The following EOLA2 variants were observed in gnomAD, a reference collection of about 807,000 sequenced individuals.
EOLA2 encodes the protein endothelium and lymphocyte associated ASCH domain 2.
In EOLA2, 3 loss-of-function variants were observed where a neutral mutation model predicts 4.1. The ratio of observed to expected loss-of-function variants is 0.73; its 90% CI spans 0.33 to 1.89. The LOEUF is 1.89. EOLA2 is among the 40% of genes most tolerant of loss of function. The pLI, the probability that EOLA2 is intolerant of heterozygous loss-of-function variation, is 0.08. For synonymous variants in EOLA2, 52 were observed against 51.7 expected, an observed-to-expected ratio of 1.01 and a Z score of -0.03; for missense variants, 109 against 126.4, an observed-to-expected ratio of 0.86 and a Z score of 0.66.
intron 2 of EOLA2, chrX:149,934,339 T>C (rs1261916122): frequency 1.3e-5 from 7 of 535,320 alleles, no homozygotes; most frequent in Non-Finnish European, 1.6e-5. Flanking sequence ...CTGCCAATAC[T>C]CTCAGTGCCC....
At position 149,932,334 on chromosome X, in the gene EOLA2, G is replaced by A. The variant is rs1163041130; in HGVS notation, c.*210C>T. 3.8e-5 allele frequency: 34 copies of A among 905,981 alleles called. No homozygotes were observed. The highest frequency in any genetic ancestry group is 4.8e-5 in the Non-Finnish European group (33 of 686,910). The allele number at this position is 905,981 out of a possible 1,213,427, so 74.7% of individuals were successfully genotyped here. The stretch of plus-strand genomic sequence containing the variant: ...GAGACATTGCCTGTGTGCCTAAGGA[G>A]GCATCACACAAGGAAAGCCCCACCC... On this transcript the variant is annotated 3_prime_UTR_variant, in exon 5 of 5. Coordinates refer to ENST00000370406, the MANE Select transcript of EOLA2 (RefSeq NM_001013845.2).
At chrX:149,931,600 T>A (rs1166733914), downstream of EOLA2, among the ~76,000 whole-genome samples, 1 of 93,268 alleles carries the variant, frequency 1.1e-5, no homozygotes, top group Admixed American at 1.2e-4. Flanking sequence ...TGCCAGGAAG[T>A]GTCTGGTCAG....
chrX:149,932,541 T>C lies in EOLA2; in HGVS notation c.*3A>G, dbSNP rs782710863. The stretch of plus-strand genomic sequence containing the variant: ...GAACATTCCTTTCAGGAGCCCACAC[T>C]TGTCACACTTCATGCCCCAAAGGGA... On this transcript the variant is annotated 3_prime_UTR_variant, in exon 5 of 5. Coordinates refer to ENST00000370406, the MANE Select transcript of EOLA2 (RefSeq NM_001013845.2). 13 of 1,201,087 alleles carry C rather than the reference T, an allele frequency of 1.1e-5. No homozygotes were observed. Among genetic ancestry groups the C allele is most frequent in the Non-Finnish European group, 1.5e-5 (13 of 890,835 alleles).
chrX:149,931,297 G>A (rs2090870008), downstream of EOLA2: 1 of 388,852 alleles, frequency 2.6e-6, no homozygotes. Context: ...ACTGTTGTCT[G>A]TGTTTTTTTT....
At chrX:149,937,980 T>C (rs782206080) in intron 1 of EOLA2, among the ~76,000 whole-genome samples, 1 of 112,379 alleles carries the variant, frequency 8.9e-6, no homozygotes, top group African/African-American at 3.2e-5. Flanking sequence ...GGCCGCTGTG[T>C]GTGGAGCAGC....
chrX:149,934,449 C>T, intron 2 of EOLA2: 1 of 735,814 alleles, frequency 1.4e-6, no homozygotes, highest in South Asian at 7.0e-5. Context: ...CCTCAGGATG[C>T]ACCGTGACCT....
chrX:149,931,285 G>C (rs1161761482), downstream of EOLA2: 23 of 369,434 alleles, frequency 6.2e-5, no homozygotes, highest in Admixed American at 1.9e-4. Flanking sequence ...ATTTAAATGA[G>C]AACTGTTGTC....
At chrX:149,937,229 G>T (rs1261306531) in intron 2 of EOLA2, among the ~76,000 whole-genome samples, 1 of 112,242 alleles carries the variant, frequency 8.9e-6, no homozygotes, top group African/African-American at 3.2e-5. Flanking sequence ...GTCCCCCACA[G>T]GGCCTGGCCA....
At chrX:149,935,107 G>A (rs1557375605) in intron 2 of EOLA2, among the ~76,000 whole-genome samples, 2 of 106,260 alleles carry the variant, frequency 1.9e-5, no homozygotes, top group East Asian at 6.0e-4. Flanking sequence ...ACACATAAAC[G>A]CAACCTCTAG....
Position 149,937,491 on chromosome X carries a change from A to T in EOLA2, c.-210-11T>A, listed in dbSNP as rs1557376452. On this transcript the variant is annotated splice_polypyrimidine_tract_variant and intron_variant, in intron 1 of 4. Transcript: ENST00000370406. ...ACTTGGTTTCTTTACCTGCACAACAAGGAAGATAAAGAGGAAAGGTCATTA... is the reference window on the plus strand; with the variant it reads ...ACTTGGTTTCTTTACCTGCACAACATGGAAGATAAAGAGGAAAGGTCATTA... The T allele has an allele frequency of 2.3e-5, 14 of 608,839 alleles. No individual in the cohort carries two copies. Among genetic ancestry groups the T allele is most frequent in the Non-Finnish European group, 2.8e-5 (14 of 506,186 alleles). 50.2% of individuals were successfully genotyped at this position (608,839 alleles called of 1,213,427 possible).
chrX:149,930,372 G>A (rs782726322), downstream of EOLA2, among the ~76,000 whole-genome samples: 326 of 111,543 alleles, frequency 2.9e-3, 3 homozygotes, highest in Middle Eastern at 9.2e-3. Flanking sequence ...TTACCTCTAC[G>A]GGGTTGCAGT....
chrX:149,934,662 G>A, intron 2 of EOLA2: 1 of 752,031 alleles, frequency 1.3e-6, no homozygotes, highest in African/African-American at 2.3e-5. Flanking sequence ...ATGATCTTCA[G>A]ATCATCAAAT....
chrX:149,931,197 G>A, downstream of EOLA2: 1 of 907,785 alleles, frequency 1.1e-6, no homozygotes. Context: ...GCCCATAAAA[G>A]TTGCCATTTT....
chrX:149,935,996 T>G, intron 2 of EOLA2, among the ~76,000 whole-genome samples: 1 of 93,986 alleles, frequency 1.1e-5, no homozygotes. Flanking sequence ...AGTCTCCTGA[T>G]AGCACCCCCA....
chrX:149,934,867 G>T (rs1306949231), intron 2 of EOLA2, among the ~76,000 whole-genome samples: 1 of 112,441 alleles, frequency 8.9e-6, no homozygotes, highest in Non-Finnish European at 1.9e-5. Context: ...AAGGAACCCT[G>T]GGCTTGAAAC....
Position 149,934,592 on chromosome X carries a change from T to C in EOLA2, c.-162-455A>G, listed in dbSNP as rs1190513295. On this transcript the variant is annotated intron_variant, in intron 2 of 4. Coordinates refer to ENST00000370406, the MANE Select transcript of EOLA2 (RefSeq NM_001013845.2). The stretch of plus-strand genomic sequence containing the variant: ...ATCTGAGCTGAGAAAAGAAGAATGA[T>C]AATCAGAACAACTGGCAACCCCCCA... The C allele has an allele frequency of 5.3e-6, 4 of 752,185 alleles. No individual in the cohort carries two copies. The African/African-American group carries it at 9.3e-5, about 17-fold the overall frequency. The allele number at this position is 752,185 out of a possible 1,213,427, so 62.0% of individuals were successfully genotyped here. A position where few individuals can be genotyped will look rare whatever the true frequency, so the allele number is the denominator to read the frequency against.
At chrX:149,936,958 T>C (rs2091012493) in intron 2 of EOLA2, among the ~76,000 whole-genome samples, 1 of 110,711 alleles carries the variant, frequency 9.0e-6, no homozygotes, top group African/African-American at 3.3e-5. Flanking sequence ...CTTTTGCCAC[T>C]AGAAATGACA....
rs370346394 is a variant in EOLA2, at chrX:149,937,516, A to T, written c.-210-36T>A. On this transcript the variant is annotated intron_variant, in intron 1 of 4. Transcript: ENST00000370406. ...AGGAAGATAAAGAGGAAAGGTCATT[A>T]AATGCAAGTCAGCAAAGCTGGTTAA... 224 of 483,578 alleles carry T rather than the reference A, an allele frequency of 4.6e-4. 1 individual carries two copies. In the African/African-American group the frequency reaches 5.1e-3, roughly 11 times the overall value. 39.9% of individuals were successfully genotyped at this position (483,578 alleles called of 1,213,427 possible).
chrX:149,937,148 T>C (rs1485041260), intron 2 of EOLA2, among the ~76,000 whole-genome samples: 2 of 110,645 alleles, frequency 1.8e-5, no homozygotes, highest in Non-Finnish European at 3.8e-5. Flanking sequence ...CTGAGCATGA[T>C]TATTCTTCTG....
Sources: allele counts gnomAD v4.1 joint callset (sites outside exome capture counted in the v4.1 genomes callset), GRCh38; gene constraint gnomAD v4.1.1; transcripts MANE v1.5; gene names NCBI Gene and HGNC (gene_info 2026-07-23, HGNC 2026-07-21).